The following HEATR3 variants were observed in gnomAD, a reference collection of about 807,000 sequenced individuals.
HEATR3 encodes HEAT repeat-containing protein 3.
Under a neutral mutation model 72.8 loss-of-function variants are expected in HEATR3, and 56 were observed. That is an observed-to-expected ratio of 0.77 (90% CI 0.62 to 0.96). HEATR3 has a LOEUF of 0.96. Ranked by LOEUF, HEATR3 falls within the 40% of genes least tolerant of loss-of-function variation. The probability of loss-of-function intolerance (pLI) is 0.00; values close to 1 mark genes in which losing one functional copy is unlikely to be tolerated. For missense variants in HEATR3, 747 were observed against 831.4 expected, an observed-to-expected ratio of 0.90 and a Z score of 1.25; for synonymous variants, 331 against 318.1, an observed-to-expected ratio of 1.04 and a Z score of -0.43.
At chr16:50,069,149 C>T (rs1457288626) in intron 3 of HEATR3, 1 of 236,722 alleles carries the variant, frequency 4.2e-6, no homozygotes, top group Admixed American at 5.0e-5. Context: ...TTAGTCATTG[C>T]TTATTTATGT....
chr16:50,079,017 C>T lies in HEATR3; in HGVS notation c.1040C>T (p.Pro347Leu), dbSNP rs201075876. ...AAAACTTTCGTTTCAGATTTACTTC[C>T]GGTAAGTCAGGTTGCTGTTCTCAAA... ...RRKTFVSDLL[P>L]PTDKELRETI... Residue 347 changes from proline (P) to leucine (L), a missense_variant and splice_region_variant, in exon 7 of 15, where the codon CCG becomes CTG. Physicochemically the swap from Pro to Leu is moderately conservative, Grantham distance 98. Coordinates refer to ENST00000299192, the MANE Select transcript of HEATR3 (RefSeq NM_182922.4). 17 of 1,609,616 alleles carry T rather than the reference C, an allele frequency of 1.1e-5. No individual in the cohort carries two copies. The highest frequency in any genetic ancestry group is 4.4e-5 in the South Asian group (4 of 90,616).
chr16:50,071,444 C>G (rs954182150), intron 4 of HEATR3, among the ~76,000 whole-genome samples: 2 of 152,142 alleles, frequency 1.3e-5, no homozygotes, highest in Admixed American at 1.3e-4. Context: ...TTCTGTGCAC[C>G]AGATAACTTT....
chr16:50,090,056 A>T (rs2037074637), intron 11 of HEATR3, among the ~76,000 whole-genome samples: 1 of 152,132 alleles, frequency 6.6e-6, no homozygotes, highest in Non-Finnish European at 1.5e-5. Flanking sequence ...GGGAATTGTT[A>T]CAAGATAGTT....
intron 12 of HEATR3, among the ~76,000 whole-genome samples, chr16:50,099,919 T>G (rs2037328422): frequency 6.6e-6 from 1 of 152,222 alleles, no homozygotes; most frequent in South Asian, 2.1e-4. Context: ...TTTCTTACCA[T>G]TAATATTAAA....
At position 50,072,714 on chromosome 16, in the gene HEATR3, G is replaced by A. The variant is rs756461740; in HGVS notation, c.622G>A (p.Ala208Thr). The A allele has an allele frequency of 2.0e-6, 3 of 1,526,858 alleles. No homozygotes were observed. In the Admixed American group the frequency reaches 5.0e-5, roughly 26 times the overall value. 94.6% of individuals were successfully genotyped at this position (1,526,858 alleles called of 1,614,324 possible). A position where few individuals can be genotyped will look rare whatever the true frequency, so the allele number is the denominator to read the frequency against. ...PTNVDLAISV[A>T]YCLQTVTEDN... ...CAATGTTGACCTGGCTATTTCAGTAGGTAAGTGAAGAAAAGGTGATGACTT... is the reference window on the plus strand; with the variant it reads ...CAATGTTGACCTGGCTATTTCAGTAAGTAAGTGAAGAAAAGGTGATGACTT... Residue 208 changes from alanine to threonine, a missense_variant and splice_region_variant, in exon 5 of 15, where the codon GCA (alanine) becomes ACA (threonine). Coordinates refer to ENST00000299192, the MANE Select transcript of HEATR3 (RefSeq NM_182922.4).
intron 12 of HEATR3, among the ~76,000 whole-genome samples, chr16:50,099,643 A>G (rs1344534199): frequency 2.0e-5 from 3 of 152,150 alleles, no homozygotes; most frequent in Admixed American, 6.6e-5. Flanking sequence ...CAGTGGCACA[A>G]TCTCAGCTCA....
At chr16:50,096,756 A>G (rs1286758674) in intron 12 of HEATR3, among the ~76,000 whole-genome samples, 3 of 151,932 alleles carry the variant, frequency 2.0e-5, no homozygotes, top group African/African-American at 7.3e-5. Flanking sequence ...CTGAGATTGC[A>G]CCACTGCACT....
intron 14 of HEATR3, 54 bp downstream of exon 14, chr16:50,102,489 A>C: frequency 1.3e-6 from 2 of 1,541,224 alleles, no homozygotes; most frequent in Non-Finnish European, 1.8e-6. Flanking sequence ...TGTGGGGACA[A>C]GGGTGTGTGT....
At chr16:50,081,617 G>A (rs2036868945) in intron 7 of HEATR3, among the ~76,000 whole-genome samples, 1 of 152,206 alleles carries the variant, frequency 6.6e-6, no homozygotes, top group Non-Finnish European at 1.5e-5. Flanking sequence ...GCCAGCCAGT[G>A]TTTAAGTGCC....
At chr16:50,084,761 T>TG (rs1241326956) in intron 10 of HEATR3, 110 bp downstream of exon 10, 4 of 723,420 alleles carry the variant, frequency 5.5e-6, no homozygotes, top group African/African-American at 5.3e-5. Context: ...GTTTTGTTCC[T>TG]GGGTATATAT....
chr16:50,100,592 AC>A, intron 13 of HEATR3: 1 of 506,016 alleles, frequency 2.0e-6, no homozygotes, highest in South Asian at 2.7e-5. Context: ...TTACAATTTA[AC>A]GTTATTCCAG....
chr16:50,087,806 C>T (rs749394731), intron 11 of HEATR3, among the ~76,000 whole-genome samples: 1 of 152,126 alleles, frequency 6.6e-6, no homozygotes, highest in Admixed American at 6.6e-5. Flanking sequence ...CCTTTTCAGA[C>T]ACAACATTAA....
At chr16:50,095,739 A>C (rs1431573343) in intron 12 of HEATR3, among the ~76,000 whole-genome samples, 1 of 152,052 alleles carries the variant, frequency 6.6e-6, no homozygotes, top group Admixed American at 6.6e-5. Context: ...AAGCCTCAGC[A>C]GGTTATTAGC....
intron 6 of HEATR3, among the ~76,000 whole-genome samples, chr16:50,078,034 G>A (rs557339392): frequency 2.0e-5 from 3 of 151,540 alleles, no homozygotes; most frequent in Admixed American, 6.6e-5. Flanking sequence ...CCACCACCAC[G>A]CCTGGCTGAT....
chr16:50,089,826 G>A (rs1021711493), intron 11 of HEATR3, among the ~76,000 whole-genome samples: 2 of 151,798 alleles, frequency 1.3e-5, no homozygotes, highest in African/African-American at 4.8e-5. Flanking sequence ...CTGCCAATGC[G>A]CCCAGCTAAT....
chr16:50,075,507 T>C (rs2036705137), intron 5 of HEATR3, 64 bp from the exon 6 acceptor site: 2 of 1,433,656 alleles, frequency 1.4e-6, no homozygotes, highest in East Asian at 2.3e-5. Flanking sequence ...TGATGAGTTA[T>C]ACTGGTGTAA....
At chr16:50,097,666 A>G (rs1597175064) in intron 12 of HEATR3, among the ~76,000 whole-genome samples, 1 of 151,976 alleles carries the variant, frequency 6.6e-6, no homozygotes, top group Non-Finnish European at 1.5e-5. Flanking sequence ...TGTAATCCCA[A>G]CACTTTAGGA....
At position 50,066,127 on chromosome 16, in the gene HEATR3, T is replaced by C. The variant is rs916834820; in HGVS notation, c.-5T>C. On this transcript the variant is annotated 5_prime_UTR_variant, in exon 1 of 15. Transcript: ENST00000299192. ...CGGTGGTCTGTCCGCCCAGCGCACG[T>C]CACCATGGGCAAGAGCCGGACGAAG... 3.8e-5 allele frequency: 61 copies of C among 1,589,046 alleles called. No individual in the cohort carries two copies. The highest frequency in any genetic ancestry group is 5.0e-5 in the Non-Finnish European group (58 of 1,170,368).
chr16:50,069,861 A>G (rs748158391), intron 3 of HEATR3, among the ~76,000 whole-genome samples: 6 of 152,162 alleles, frequency 3.9e-5, no homozygotes, highest in Admixed American at 1.3e-4. Context: ...CACCTACCTC[A>G]TAGGTTTATT....
Sources: allele counts gnomAD v4.1 joint callset (sites outside exome capture counted in the v4.1 genomes callset), GRCh38; gene constraint gnomAD v4.1.1; transcripts MANE v1.5; gene names NCBI Gene and HGNC (gene_info 2026-07-23, HGNC 2026-07-21).